DLC1: variants seen among roughly 807,000 people sequenced by gnomAD.
The protein encoded by DLC1 is DLC1 Rho GTPase activating protein.
A neutral mutation model predicts 140.3 loss-of-function variants in DLC1; 54 were observed. The ratio of observed to expected loss-of-function variants is 0.38; its 90% CI spans 0.31 to 0.48. The LOEUF is 0.48. DLC1 is among the 20% of genes least tolerant of loss of function. The pLI, the probability that DLC1 is intolerant of heterozygous loss-of-function variation, is 0.96. For missense variants in DLC1, 2,536 were observed against 1,907.0 expected, an observed-to-expected ratio of 1.33 and a Z score of -6.14; for synonymous variants, 986 against 728.1, an observed-to-expected ratio of 1.35 and a Z score of -5.70.
At chr8:13,201,003 T>A (rs1827350965) in intron 5 of DLC1, among the ~76,000 whole-genome samples, 1 of 152,204 alleles carries the variant, frequency 6.6e-6, no homozygotes, top group African/African-American at 2.4e-5. Flanking sequence ...TGGAGTTGAT[T>A]CAGATTACTG....
chr8:13,441,490 G>C (rs551933441), intron 2 of DLC1, among the ~76,000 whole-genome samples: 3 of 152,144 alleles, frequency 2.0e-5, no homozygotes, highest in Admixed American at 6.6e-5. Flanking sequence ...CTCCTTAAGC[G>C]GATAGGCAAC....
At chr8:13,219,517 T>G (rs1026615121) in intron 5 of DLC1, among the ~76,000 whole-genome samples, 2 of 149,858 alleles carry the variant, frequency 1.3e-5, no homozygotes, top group Non-Finnish European at 3.0e-5. Flanking sequence ...AACTGCCAAA[T>G]TATCTTAAAT....
chr8:13,421,223 G>T (rs1465982621), intron 2 of DLC1, among the ~76,000 whole-genome samples: 2 of 151,968 alleles, frequency 1.3e-5, no homozygotes, highest in African/African-American at 2.4e-5. Flanking sequence ...TAAGTAATCA[G>T]TATAGCTGCC....
At chr8:13,496,084 A>G (rs1330162569) in intron 2 of DLC1, among the ~76,000 whole-genome samples, 1 of 152,204 alleles carries the variant, frequency 6.6e-6, no homozygotes, top group Non-Finnish European at 1.5e-5. Context: ...AAATATATAG[A>G]CAATTAGCAA....
intron 5 of DLC1, among the ~76,000 whole-genome samples, chr8:13,229,548 A>T (rs1221398838): frequency 2.0e-5 from 3 of 152,044 alleles, no homozygotes; most frequent in East Asian, 1.9e-4. Flanking sequence ...AAAACTATCA[A>T]ATTGTGTACT....
At chr8:13,311,771 C>T (rs976756357) in intron 4 of DLC1, among the ~76,000 whole-genome samples, 1 of 152,092 alleles carries the variant, frequency 6.6e-6, no homozygotes, top group Non-Finnish European at 1.5e-5. Flanking sequence ...TGGTGCTGCT[C>T]ACAGGTATGT....
intron 1 of DLC1, among the ~76,000 whole-genome samples, chr8:13,548,520 C>T (rs1344962683): frequency 6.6e-6 from 1 of 151,914 alleles, no homozygotes; most frequent in Non-Finnish European, 1.5e-5. Flanking sequence ...ATGAATAAAG[C>T]TACAAGGAAT....
intron 1 of DLC1, among the ~76,000 whole-genome samples, chr8:13,572,090 TATTTA>T (rs1563449173): frequency 1.3e-4 from 3 of 23,306 alleles, no homozygotes; most frequent in Non-Finnish European, 2.7e-4. Context: ...TTATTATTAT[TATTTA>T]TTTTTTTTTT....
chr8:13,529,762 G>C (rs1314794570), intron 1 of DLC1, among the ~76,000 whole-genome samples: 4 of 152,102 alleles, frequency 2.6e-5, no homozygotes, highest in African/African-American at 7.2e-5. Flanking sequence ...AATCAATGGG[G>C]AAGTCACAGT....
intron 4 of DLC1, among the ~76,000 whole-genome samples, chr8:13,305,753 C>A (rs1440417826): frequency 6.6e-6 from 1 of 152,176 alleles, no homozygotes; most frequent in Non-Finnish European, 1.5e-5. Context: ...AGGAGAATCA[C>A]CTGAGCCCAG....
At chr8:13,592,075 A>G (rs1313634781) in intron 1 of DLC1, among the ~76,000 whole-genome samples, 1 of 152,066 alleles carries the variant, frequency 6.6e-6, no homozygotes, top group Admixed American at 6.6e-5. Flanking sequence ...GTGGATAGAG[A>G]AAGAGTTCAA....
At chr8:13,393,735 G>T in intron 3 of DLC1, 42 bp from the exon 4 acceptor site, 2 of 1,584,146 alleles carry the variant, frequency 1.3e-6, no homozygotes, top group Non-Finnish European at 1.7e-6. Context: ...ACATGTGAAT[G>T]TTCCCAAATG....
chr8:13,292,930 A>G (rs1831817619), intron 5 of DLC1, among the ~76,000 whole-genome samples: 1 of 152,290 alleles, frequency 6.6e-6, no homozygotes, highest in East Asian at 1.9e-4. Flanking sequence ...CAAATTAAAA[A>G]CCAAATTGCA....
At chr8:13,309,611 T>C (rs930786118) in intron 4 of DLC1, among the ~76,000 whole-genome samples, 4 of 152,158 alleles carry the variant, frequency 2.6e-5, no homozygotes, top group African/African-American at 9.7e-5. Context: ...TGTTTTTGGA[T>C]GTGAAAGATG....
At chr8:13,380,783 T>C (rs558599598) in intron 4 of DLC1, among the ~76,000 whole-genome samples, 4 of 152,304 alleles carry the variant, frequency 2.6e-5, no homozygotes, top group South Asian at 2.1e-4. Context: ...AGTAGTGAGA[T>C]AGACCAAGCT....
chr8:13,347,926 A>T (rs186871835), intron 4 of DLC1, among the ~76,000 whole-genome samples: 87 of 152,206 alleles, frequency 5.7e-4, no homozygotes, highest in Non-Finnish European at 1.1e-3. Context: ...CATCTCTACT[A>T]AAAATATAAA....
At chr8:13,335,383 C>A (rs1031306872) in intron 4 of DLC1, among the ~76,000 whole-genome samples, 3 of 152,034 alleles carry the variant, frequency 2.0e-5, no homozygotes, top group Admixed American at 6.6e-5. Context: ...GTATAGAAAC[C>A]AAGGACATGC....
intron 5 of DLC1, among the ~76,000 whole-genome samples, chr8:13,118,658 A>G (rs1820777998): frequency 6.6e-6 from 1 of 152,236 alleles, no homozygotes; most frequent in Admixed American, 6.5e-5. Flanking sequence ...GTCAAGAGAA[A>G]GTACTAACAA....
chr8:13,121,489 G>A (rs1051646396), intron 5 of DLC1, among the ~76,000 whole-genome samples: 2 of 152,166 alleles, frequency 1.3e-5, no homozygotes, highest in East Asian at 3.9e-4. Flanking sequence ...TTGTAGTAAG[G>A]TAAGGAAATC....
Sources: gnomAD v4.1 joint callset for allele counts (sites outside exome capture counted in the v4.1 genomes callset) on GRCh38, gnomAD v4.1.1 for gene constraint, MANE v1.5 for transcripts, NCBI Gene and HGNC (gene_info 2026-07-23, HGNC 2026-07-21) for gene names.